CPEB4: variants seen among roughly 807,000 people sequenced by gnomAD.
CPEB4 encodes cytoplasmic polyadenylation element-binding protein 4.
A neutral mutation model predicts 72.5 loss-of-function variants in CPEB4; 12 were observed. The ratio of observed to expected loss-of-function variants is 0.17; its 90% CI spans 0.11 to 0.27. CPEB4 has a LOEUF of 0.27. Among genes scored for constraint, CPEB4 ranks in the 10% least tolerant of loss-of-function variants. The pLI, the probability that CPEB4 is intolerant of heterozygous loss-of-function variation, is 1.00. For synonymous variants in CPEB4, 302 were observed against 326.3 expected, an observed-to-expected ratio of 0.93 and a Z score of 0.80; for missense variants, 614 against 908.5, an observed-to-expected ratio of 0.68 and a Z score of 4.17.
At chr5:173,954,292 C>T (rs1758307312) in intron 9 of CPEB4, among the ~76,000 whole-genome samples, 1 of 152,032 alleles carries the variant, frequency 6.6e-6, no homozygotes, top group Non-Finnish European at 1.5e-5. Flanking sequence ...GGTGGTCATC[C>T]TACAAACTGT....
At position 173,958,709 on chromosome 5, in the gene CPEB4, A is replaced by G. The variant is rs1758453883; in HGVS notation, c.*2572A>G. On this transcript the variant is annotated 3_prime_UTR_variant, in exon 10 of 10. Coordinates refer to ENST00000265085, the MANE Select transcript of CPEB4 (RefSeq NM_030627.4). ...AGTTCCTAAAAAAAAAATTAAATGC[A>G]TAAGCATAAGGTAGAAATTAAAATA... is the stretch of plus-strand genomic sequence containing the variant. 1 of 152,696 alleles carries G rather than the reference A, an allele frequency of 6.5e-6. No homozygotes were observed. The highest frequency in any genetic ancestry group is 2.1e-4 in the South Asian group (1 of 4,832). The allele number at this position is 152,696 out of a possible 1,614,324, so 9.5% of individuals were successfully genotyped here.
At chr5:173,951,994 C>T (rs1196802373) in intron 8 of CPEB4, 56 bp downstream of exon 8, 2 of 1,107,012 alleles carry the variant, frequency 1.8e-6, no homozygotes, top group East Asian at 4.7e-5. Flanking sequence ...ATATGAAGAT[C>T]TTCAGGATAA....
intron 1 of CPEB4, among the ~76,000 whole-genome samples, chr5:173,907,506 A>G (rs761101498): frequency 6.6e-6 from 1 of 152,138 alleles, no homozygotes; most frequent in Non-Finnish European, 1.5e-5. Flanking sequence ...TGCATGAAAA[A>G]CAACACTAAA....
At chr5:173,915,996 TCAGA>T (rs1225892546) in intron 2 of CPEB4, among the ~76,000 whole-genome samples, 1 of 152,174 alleles carries the variant, frequency 6.6e-6, no homozygotes, top group Non-Finnish European at 1.5e-5. Context: ...AAATTAGACG[TCAGA>T]CAGAATATAA....
intron 9 of CPEB4, among the ~76,000 whole-genome samples, chr5:173,953,825 A>G (rs1378636993): frequency 6.6e-6 from 1 of 152,030 alleles, no homozygotes; most frequent in African/African-American, 2.4e-5. Context: ...TGCTTAGGGC[A>G]AGAAGTTCCT....
intron 4 of CPEB4, 22 bp from the exon 5 acceptor site, chr5:173,944,945 T>C: frequency 6.3e-7 from 1 of 1,587,288 alleles, no homozygotes. Context: ...TGTTACCGTT[T>C]TTTCCCTGCT....
chr5:173,898,802 CA>C (rs1282295119), intron 1 of CPEB4, among the ~76,000 whole-genome samples: 2 of 152,140 alleles, frequency 1.3e-5, no homozygotes, highest in Non-Finnish European at 2.9e-5. Context: ...TCAGCCTCTC[CA>C]GTAGCTGGGA....
In CPEB4 at chr5:173,890,204, C is replaced by A. The variant is rs769636261; in HGVS notation, c.471C>A (p.Pro157=). Residue 157 remains proline, a synonymous_variant, in exon 1 of 10, where the codon CCC becomes CCA. Coordinates refer to ENST00000265085, the MANE Select transcript of CPEB4 (RefSeq NM_030627.4). ...CTGGGCTAGGTACTTCAACCCAACC[C>A]TTGACATCTAGCGCATCGTCTCTTA... ...EATGLGTSTQ[P]LTSSASSLTG... The A allele has an allele frequency of 1.2e-6, 2 of 1,614,182 alleles. No homozygotes were observed. The highest frequency in any genetic ancestry group is 1.7e-6 in the Non-Finnish European group (2 of 1,180,018).
At chr5:173,929,045 C>T (rs1002761635) in intron 2 of CPEB4, among the ~76,000 whole-genome samples, 7 of 152,210 alleles carry the variant, frequency 4.6e-5, no homozygotes, top group East Asian at 3.9e-4. Context: ...ATCACAAGGC[C>T]GGATCAAAAA....
intron 2 of CPEB4, among the ~76,000 whole-genome samples, chr5:173,920,129 C>T (rs556910539): frequency 2.6e-5 from 4 of 152,302 alleles, no homozygotes; most frequent in African/African-American, 9.6e-5. Flanking sequence ...GAATTCAGTC[C>T]TACACCACTG....
chr5:173,932,689 G>T, intron 3 of CPEB4, among the ~76,000 whole-genome samples, 189 bp downstream of exon 3: 1 of 152,084 alleles, frequency 6.6e-6, no homozygotes, highest in Non-Finnish European at 1.5e-5. Flanking sequence ...TAATATGAGG[G>T]CCAACTGATT....
intron 2 of CPEB4, among the ~76,000 whole-genome samples, chr5:173,916,843 C>T (rs1014219888): frequency 2.0e-5 from 3 of 152,106 alleles, no homozygotes; most frequent in Non-Finnish European, 4.4e-5. Flanking sequence ...TTTTTTATAT[C>T]ATTGTAAGAG....
chr5:173,896,291 TTA>T (rs1437699765), intron 1 of CPEB4, among the ~76,000 whole-genome samples: 2 of 152,222 alleles, frequency 1.3e-5, no homozygotes, highest in African/African-American at 4.8e-5. Context: ...TCATTTTATT[TTA>T]TGTTTAATTG....
At chr5:173,923,760 C>T (rs1757150127) in intron 2 of CPEB4, among the ~76,000 whole-genome samples, 2 of 151,890 alleles carry the variant, frequency 1.3e-5, no homozygotes, top group African/African-American at 4.8e-5. Context: ...CCTAGTTTTG[C>T]CGAGTTTTTT....
rs1184804329 is a variant in CPEB4 at position 173,959,137 on chromosome 5, G to A, written c.*3000G>A. 1 of 144,212 alleles carries A rather than the reference G, an allele frequency of 6.9e-6. No individual in the cohort carries two copies. Among genetic ancestry groups the A allele is most frequent in the Non-Finnish European group, 1.6e-5 (1 of 62,814 alleles). The allele number at this position is 144,212 out of a possible 1,614,324, so 8.9% of individuals were successfully genotyped here. A position where few individuals can be genotyped will look rare whatever the true frequency, so the allele number is the denominator to read the frequency against. On this transcript the variant is annotated 3_prime_UTR_variant, in exon 10 of 10. Transcript: ENST00000265085. ...CTCAAACATAATTAACATGTAATTA[G>A]TTTACAGATTGTAGGGCATCACTTC... is the stretch of plus-strand genomic sequence containing the variant.
chr5:173,941,544 C>T (rs1441243935), intron 3 of CPEB4, among the ~76,000 whole-genome samples: 2 of 152,194 alleles, frequency 1.3e-5, no homozygotes, highest in Non-Finnish European at 2.9e-5. Flanking sequence ...AAAACCTTGA[C>T]CAGTTTGTGA....
intron 4 of CPEB4, among the ~76,000 whole-genome samples, chr5:173,943,261 T>C (rs1757909954): frequency 6.6e-6 from 1 of 152,166 alleles, no homozygotes; most frequent in Admixed American, 6.5e-5. Flanking sequence ...GATTTGGATT[T>C]GAATCAAAAT....
intron 4 of CPEB4, 124 bp from the exon 5 acceptor site, chr5:173,944,843 A>G (rs1043295224): frequency 2.5e-5 from 20 of 806,236 alleles, no homozygotes; most frequent in African/African-American, 1.7e-4. Flanking sequence ...AAGTGTTTCT[A>G]TTATTCAGTG....
At chr5:173,937,021 T>C (rs948072509) in intron 3 of CPEB4, among the ~76,000 whole-genome samples, 591 of 21,300 alleles carry the variant, frequency 0.028, 3 homozygotes, top group African/African-American at 0.056. Context: ...TTTCTTTCCT[T>C]TTTTTTTTTT....
Sources: gnomAD v4.1 joint callset for allele counts (sites outside exome capture counted in the v4.1 genomes callset) on GRCh38, gnomAD v4.1.1 for gene constraint, MANE v1.5 for transcripts, NCBI Gene and HGNC (gene_info 2026-07-23, HGNC 2026-07-21) for gene names.